CDH18: variants seen among roughly 807,000 people sequenced by gnomAD.
CDH18 encodes cadherin-18.
A neutral mutation model predicts 67.9 loss-of-function variants in CDH18; 31 were observed. That is an observed-to-expected ratio of 0.46 (90% confidence interval 0.34 to 0.62). CDH18 has a LOEUF of 0.62. CDH18 is among the 20% of genes least tolerant of loss of function. The pLI, the probability that CDH18 is intolerant of heterozygous loss-of-function variation, is 0.01. For missense variants in CDH18, 890 were observed against 975.5 expected (o/e 0.91, Z 1.17); for synonymous variants, 362 against 347.2 (o/e 1.04, Z -0.48).
intron 1 of CDH18, among the ~76,000 whole-genome samples, chr5:20,538,273 A>C (rs987581179): frequency 1.3e-5 from 2 of 152,148 alleles, no homozygotes; most frequent in Non-Finnish European, 2.9e-5. Context: ...ATTGCTTTCA[A>C]AACTACTCCT....
At chr5:19,974,798 G>A (rs1464380649) in intron 2 of CDH18, among the ~76,000 whole-genome samples, 1 of 152,108 alleles carries the variant, frequency 6.6e-6, no homozygotes, top group East Asian at 1.9e-4. Flanking sequence ...TTTCTGAAAT[G>A]TGATATGAGC....
intron 2 of CDH18, among the ~76,000 whole-genome samples, chr5:20,163,466 G>T (rs549424082): frequency 6.6e-6 from 1 of 152,178 alleles, no homozygotes; most frequent in South Asian, 2.1e-4. Context: ...GAAGAAAATG[G>T]ATTATTCTTA....
intron 5 of CDH18, among the ~76,000 whole-genome samples, chr5:19,656,495 T>C (rs1756423439): frequency 1.3e-5 from 2 of 152,128 alleles, no homozygotes; most frequent in African/African-American, 4.8e-5. Context: ...AGAAATACAT[T>C]TTCTTATTTC....
Position 20,029,052 on chromosome 5 carries a change from C to A in CDH18, c.-517-37038G>T, listed in dbSNP as rs544632365. 6.1e-4 allele frequency among the ~76,000 whole-genome samples: 93 copies of A among 151,808 alleles called. No individual in the cohort carries two copies. In the South Asian group the frequency reaches 0.017, roughly 27 times the overall value. On this transcript the variant is annotated intron_variant, in intron 2 of 14. Transcript: ENST00000507958. ...ATCTTTTGGATCCAAGGATCCAAAG[C>A]AACAGACATTTTTTGTATGACAGCC...
At chr5:19,518,299 C>T (rs1746348842) in intron 10 of CDH18, among the ~76,000 whole-genome samples, 1 of 152,154 alleles carries the variant, frequency 6.6e-6, no homozygotes, top group Admixed American at 6.6e-5. Context: ...AAGTAGGAGG[C>T]CATATCAGCC....
chr5:19,560,991 C>CA (rs1467766258), intron 8 of CDH18, among the ~76,000 whole-genome samples: 8 of 151,904 alleles, frequency 5.3e-5, no homozygotes, highest in Non-Finnish European at 1.0e-4. Context: ...TGGCCATAAT[C>CA]AAAAAATCAA....
At chr5:20,356,986 T>C (rs952635449) in intron 1 of CDH18, among the ~76,000 whole-genome samples, 1 of 151,262 alleles carries the variant, frequency 6.6e-6, no homozygotes, top group African/African-American at 2.4e-5. Flanking sequence ...TATGTAGTAA[T>C]AACTATAGCA....
chr5:20,360,415 G>A (rs924152303), intron 1 of CDH18, among the ~76,000 whole-genome samples: 2 of 152,050 alleles, frequency 1.3e-5, no homozygotes, highest in East Asian at 1.9e-4. Context: ...AAGTAAACAC[G>A]TTTGATATGT....
At chr5:19,894,366 C>A (rs1357911884) in intron 2 of CDH18, among the ~76,000 whole-genome samples, 1 of 151,882 alleles carries the variant, frequency 6.6e-6, no homozygotes, top group Non-Finnish European at 1.5e-5. Flanking sequence ...TAAATAGATA[C>A]ATTTCACATG....
intron 1 of CDH18, among the ~76,000 whole-genome samples, chr5:20,418,836 G>C (rs1179545043): frequency 6.6e-6 from 1 of 152,114 alleles, no homozygotes; most frequent in Non-Finnish European, 1.5e-5. Context: ...ATGTGATAGT[G>C]TTAGGAGGTG....
At chr5:20,449,832 A>AAT (rs1554001267) in intron 1 of CDH18, among the ~76,000 whole-genome samples, 3 of 151,432 alleles carry the variant, frequency 2.0e-5, no homozygotes, top group African/African-American at 4.8e-5. Flanking sequence ...AAAAAGAAAA[A>AAT]ATATATATAT....
intron 9 of CDH18, among the ~76,000 whole-genome samples, chr5:19,521,617 A>G (rs1312216511): frequency 6.6e-6 from 1 of 152,148 alleles, no homozygotes; most frequent in African/African-American, 2.4e-5. Flanking sequence ...CTAGTAAAAA[A>G]GATACAACAA....
intron 2 of CDH18, among the ~76,000 whole-genome samples, chr5:19,926,597 C>G (rs1793115104): frequency 6.6e-6 from 1 of 152,048 alleles, no homozygotes. Context: ...AGCAAAACAG[C>G]TTCATCTTTC....
chr5:19,941,284 T>C (rs1391867740), intron 2 of CDH18, among the ~76,000 whole-genome samples: 1 of 152,136 alleles, frequency 6.6e-6, no homozygotes, highest in African/African-American at 2.4e-5. Context: ...CCTCAGCCTC[T>C]AAAACTGTGA....
At chr5:20,531,568 A>G (rs1052057018) in intron 1 of CDH18, among the ~76,000 whole-genome samples, 4 of 152,098 alleles carry the variant, frequency 2.6e-5, no homozygotes, top group African/African-American at 7.3e-5. Context: ...ATAAAAAGGA[A>G]TGAGATTATG....
At chr5:20,167,768 C>T (rs1354585605) in intron 2 of CDH18, among the ~76,000 whole-genome samples, 4 of 152,118 alleles carry the variant, frequency 2.6e-5, no homozygotes, top group Non-Finnish European at 4.4e-5. Flanking sequence ...GAGTAGGATA[C>T]ATCAGTTAAG....
chr5:20,200,765 C>T (rs1739387639), intron 2 of CDH18, among the ~76,000 whole-genome samples: 1 of 151,998 alleles, frequency 6.6e-6, no homozygotes, highest in Non-Finnish European at 1.5e-5. Flanking sequence ...CCTTTTGTGA[C>T]ATATCATGAA....
At chr5:19,547,889 C>T (rs1168650520) in intron 8 of CDH18, among the ~76,000 whole-genome samples, 1 of 152,114 alleles carries the variant, frequency 6.6e-6, no homozygotes, top group African/African-American at 2.4e-5. Flanking sequence ...TTTTGGCTTT[C>T]TGCCCAGACA....
At chr5:20,234,819 T>C (rs969794464) in intron 2 of CDH18, among the ~76,000 whole-genome samples, 2 of 152,080 alleles carry the variant, frequency 1.3e-5, no homozygotes, top group Non-Finnish European at 2.9e-5. Context: ...ACAACAATGT[T>C]TGAAGAAACA....
Sources: gnomAD v4.1 joint callset for allele counts (sites outside exome capture counted in the v4.1 genomes callset) on GRCh38, gnomAD v4.1.1 for gene constraint, MANE v1.5 for transcripts, NCBI Gene and HGNC (gene_info 2026-07-23, HGNC 2026-07-21) for gene names.